RHOBTB1: variants seen among roughly 807,000 people sequenced by gnomAD.
RHOBTB1 encodes Rho related BTB domain containing 1, also known as rho-related BTB domain-containing protein 1.
Under a neutral mutation model 71.6 loss-of-function variants are expected in RHOBTB1, and 40 were observed. That is an observed-to-expected ratio of 0.56 (90% CI 0.43 to 0.73). The LOEUF (loss-of-function observed/expected upper bound fraction) is 0.73. Among genes scored for constraint, RHOBTB1 ranks in the 30% least tolerant of loss-of-function variants. The pLI is 0.00. For missense variants in RHOBTB1, 797 were observed against 894.0 expected (o/e 0.89, Z 1.38); for synonymous variants, 319 against 334.9 (o/e 0.95, Z 0.52).
Position 60,938,314 on chromosome 10 carries a change from G to T in RHOBTB1, c.-11+3490C>A, listed in dbSNP as rs182221454. ...CTACATTGGAAGATTTAGAAGACTTGGCACTTTTCAGGCAGTGTTATGTAA... is the reference window on the plus strand; with the variant it reads ...CTACATTGGAAGATTTAGAAGACTTTGCACTTTTCAGGCAGTGTTATGTAA... On this transcript the variant is annotated intron_variant, in intron 2 of 10. Coordinates refer to ENST00000337910, the MANE Select transcript of RHOBTB1 (RefSeq NM_014836.5). Among the ~76,000 whole-genome samples, 21 of 152,254 alleles carry T rather than the reference G, an allele frequency of 1.4e-4. No homozygotes were observed. In the East Asian group the frequency reaches 3.3e-3, roughly 24 times the overall value.
At chr10:60,862,149 CT>C in the RHOBTB1 span, among the ~76,000 whole-genome samples, 9 of 140,554 alleles carry the variant, frequency 6.4e-5, no homozygotes, top group African/African-American at 2.5e-4. Flanking sequence ...CTCTCTCTTT[CT>C]TTTTCTTTCC....
intron 2 of RHOBTB1, among the ~76,000 whole-genome samples, chr10:60,958,638 C>T (rs780040837): frequency 6.6e-5 from 10 of 152,060 alleles, no homozygotes; most frequent in Non-Finnish European, 1.3e-4. Context: ...GGGTCTCACT[C>T]GGTTGCCCAT....
intron 2 of RHOBTB1, among the ~76,000 whole-genome samples, chr10:60,963,275 T>C (rs192090347): frequency 2.0e-5 from 3 of 152,296 alleles, no homozygotes; most frequent in African/African-American, 7.2e-5. Flanking sequence ...TTTGATGTCA[T>C]CAATCTTTTT....
chr10:60,897,937 C>T (rs1018413829), intron 4 of RHOBTB1, among the ~76,000 whole-genome samples: 1 of 152,120 alleles, frequency 6.6e-6, no homozygotes, highest in Non-Finnish European at 1.5e-5. Context: ...AACTCCTGAC[C>T]TTGTGATCTT....
intron 2 of RHOBTB1, among the ~76,000 whole-genome samples, chr10:60,980,522 T>G (rs1244563897): frequency 6.6e-6 from 1 of 152,162 alleles, no homozygotes; most frequent in Non-Finnish European, 1.5e-5. Context: ...TTTCAGTCCT[T>G]TGCTTATTGA....
chr10:60,866,289 T>G (rs1365895373), downstream of RHOBTB1, among the ~76,000 whole-genome samples: 1 of 152,174 alleles, frequency 6.6e-6, no homozygotes, highest in East Asian at 1.9e-4. Context: ...TGGAGAGCCA[T>G]GGACTAGATG....
chr10:60,886,134 A>G lies in RHOBTB1; in HGVS notation c.1553T>C (p.Phe518Ser), dbSNP rs1161701147. The change falls in exon 7 of 11, where the codon TTT becomes TCT. Residue 518 changes from phenylalanine to serine, a missense_variant. This residue lies in a region of RHOBTB1 where 658 missense variants were observed against 681.5 expected (regional missense o/e 0.97). Coordinates refer to ENST00000337910, the MANE Select transcript of RHOBTB1 (RefSeq NM_014836.5). ...TACCTCACTGTTGGCACTTTCCACA[A>G]ATGACCCCCCGAACATGGCTGCCAT... Reference protein sequence around the residue: ...EWMAAMFGGSFVESANSEVYL... With the variant: ...EWMAAMFGGSSVESANSEVYL... 2 of 1,614,010 alleles carry G rather than the reference A, an allele frequency of 1.2e-6. No individual in the cohort carries two copies. The highest frequency in any genetic ancestry group is 1.7e-6 in the Non-Finnish European group (2 of 1,179,918).
At chr10:60,941,202 A>G (rs2084885599) in intron 2 of RHOBTB1, among the ~76,000 whole-genome samples, 1 of 152,214 alleles carries the variant, frequency 6.6e-6, no homozygotes, top group South Asian at 2.1e-4. Flanking sequence ...TTTAGGTCTT[A>G]GAGTAAGACA....
rs117371509 is a variant in RHOBTB1, at chr10:60,962,330, T to C, written c.-61-20476A>G. ...CAGAAAAAGAGATACTTACCTACAA[T>C]AGATAATATATCAAAATATGCCCAA... On this transcript the variant is annotated intron_variant, in intron 2 of 11. Transcript: ENST00000357917. Among the ~76,000 whole-genome samples, 210 of 152,194 alleles carry C rather than the reference T, an allele frequency of 1.4e-3. 5 individuals are homozygous for C. The East Asian group carries it at 0.038, about 28-fold the overall frequency.
intron 1 of RHOBTB1, among the ~76,000 whole-genome samples, chr10:60,994,587 A>T (rs1256045600): frequency 6.6e-6 from 1 of 152,072 alleles, no homozygotes; most frequent in Non-Finnish European, 1.5e-5. Context: ...CTCTTTTTTT[A>T]AAAAGTTAGA....
intron 2 of RHOBTB1, among the ~76,000 whole-genome samples, chr10:60,951,705 C>G (rs944494044): frequency 6.6e-6 from 1 of 152,170 alleles, no homozygotes; most frequent in African/African-American, 2.4e-5. Context: ...GCTTCTCCAT[C>G]CCCATGGTGC....
At position 60,877,881 on chromosome 10, in the gene RHOBTB1, T is replaced by C. The variant is rs146321185; in HGVS notation, c.1726+27A>G. On this transcript the variant is annotated intron_variant, in intron 8 of 10. Transcript: ENST00000337910. Reference sequence around the variant, plus strand: ...TGATTTTGACAAATATGACAGACACTGCATGGCCCTGAGTCATCATCCTTA... The same window carrying C: ...TGATTTTGACAAATATGACAGACACCGCATGGCCCTGAGTCATCATCCTTA... 3,268 of 1,595,354 alleles carry C rather than the reference T, an allele frequency of 2.0e-3. 2 individuals are homozygous for C. Among genetic ancestry groups the C allele is most frequent in the Admixed American group, 3.1e-3 (170 of 55,006 alleles).
intron 2 of RHOBTB1, among the ~76,000 whole-genome samples, chr10:60,969,057 T>A (rs898694743): frequency 1.3e-5 from 2 of 152,088 alleles, no homozygotes; most frequent in African/African-American, 2.4e-5. Context: ...GATGCAAAGT[T>A]AGGATTTCAC....
At position 60,878,078 on chromosome 10, in the gene RHOBTB1, G is replaced by A; in HGVS notation, c.1576-20C>T. On this transcript the variant is annotated intron_variant, in intron 7 of 10. Coordinates refer to ENST00000337910, the MANE Select transcript of RHOBTB1 (RefSeq NM_014836.5). ...ATACACCTGAAATGTTATACAAAAA[G>A]CTAAATTCTGCTGCAGAAAGCAGGG... 1 of 1,601,076 alleles carries A rather than the reference G, an allele frequency of 6.2e-7. No individual in the cohort carries two copies. Among genetic ancestry groups the A allele is most frequent in the Non-Finnish European group, 8.5e-7 (1 of 1,172,424 alleles).
At chr10:60,972,677 A>C (rs181918043) in intron 2 of RHOBTB1, among the ~76,000 whole-genome samples, 2 of 152,134 alleles carry the variant, frequency 1.3e-5, no homozygotes, top group African/African-American at 4.8e-5. Context: ...CAGAACTTAA[A>C]GTATAATAAA....
chr10:60,956,970 G>A (rs371119447), intron 2 of RHOBTB1, among the ~76,000 whole-genome samples: 1 of 152,014 alleles, frequency 6.6e-6, no homozygotes, highest in South Asian at 2.1e-4. Flanking sequence ...CCAACATATC[G>A]CTGTCTTGAA....
intron 5 of RHOBTB1, among the ~76,000 whole-genome samples, chr10:60,889,673 G>A (rs1427511049): frequency 1.3e-5 from 2 of 152,100 alleles, no homozygotes; most frequent in Non-Finnish European, 2.9e-5. Flanking sequence ...GCTGTCAGCC[G>A]TAACCACAGT....
chr10:60,915,034 T>A (rs2083195261), intron 2 of RHOBTB1, among the ~76,000 whole-genome samples: 1 of 152,218 alleles, frequency 6.6e-6, no homozygotes, highest in Non-Finnish European at 1.5e-5. Context: ...ATCTTTTATT[T>A]GGAGTAGAAA....
chr10:60,990,104 T>C (rs1459549845), intron 1 of RHOBTB1, among the ~76,000 whole-genome samples: 2 of 148,858 alleles, frequency 1.3e-5, no homozygotes, highest in Non-Finnish European at 3.0e-5. Context: ...TGCCTCAGCC[T>C]CCCGAGTAGC....
Sources: allele counts gnomAD v4.1 joint callset (sites outside exome capture counted in the v4.1 genomes callset), GRCh38; gene constraint gnomAD v4.1.1; regional missense constraint gnomAD v4.1.1; transcripts MANE v1.5; gene names NCBI Gene and HGNC (gene_info 2026-07-23, HGNC 2026-07-21).